Variants in FRMD3 observed in about 807,000 individuals in gnomAD.
The protein encoded by FRMD3 is FERM domain-containing protein 3.
FRMD3 carries 33 observed loss-of-function variants against 70.2 expected under a neutral mutation model. The ratio of observed to expected loss-of-function variants is 0.47; its 90% CI spans 0.36 to 0.63. FRMD3 has a LOEUF of 0.63. FRMD3 is among the 20% of genes least tolerant of loss of function. The pLI is 0.00. For missense variants in FRMD3, 632 were observed against 711.4 expected (o/e 0.89, Z 1.27); for synonymous variants, 279 against 255.9 (o/e 1.09, Z -0.86).
intron 1 of FRMD3, among the ~76,000 whole-genome samples, chr9:83,434,046 T>C (rs757521066): frequency 7.9e-5 from 12 of 152,216 alleles, no homozygotes; most frequent in Non-Finnish European, 1.3e-4. Flanking sequence ...GGGCTTCCTG[T>C]CTGGAGCTCC....
rs112110794 is a variant in FRMD3 at position 83,269,646 on chromosome 9, T to C, written c.1195+20957A>G. On this transcript the variant is annotated intron_variant, in intron 13 of 13. Coordinates refer to ENST00000304195, the MANE Select transcript of FRMD3 (RefSeq NM_174938.6). ...ATTGCATAAACCCGGGAGGCGGAGGTTGCAGCAAGCCGAGATCTCACCGCC... is the reference window on the plus strand; with the variant it reads ...ATTGCATAAACCCGGGAGGCGGAGGCTGCAGCAAGCCGAGATCTCACCGCC... 3.8e-3 allele frequency among the ~76,000 whole-genome samples: 568 copies of C among 150,918 alleles called. 3 individuals carry two copies. Among genetic ancestry groups the C allele is most frequent in the African/African-American group, 0.013 (539 of 41,084 alleles).
the FRMD3 span, among the ~76,000 whole-genome samples, chr9:83,578,834 G>GA: frequency 6.6e-6 from 1 of 151,854 alleles, no homozygotes; most frequent in Non-Finnish European, 1.5e-5. Context: ...TTAGGCAAGA[G>GA]AAAGAAATAA....
chr9:83,265,332 G>A (rs1423964848), intron 13 of FRMD3, among the ~76,000 whole-genome samples: 7 of 150,038 alleles, frequency 4.7e-5, no homozygotes, highest in Admixed American at 1.3e-4. Context: ...CCCGGGAGGT[G>A]GAGCTTGCAG....
intron 1 of FRMD3, among the ~76,000 whole-genome samples, chr9:83,438,799 T>C (rs902960122): frequency 3.3e-5 from 5 of 152,300 alleles, no homozygotes; most frequent in Non-Finnish European, 7.3e-5. Flanking sequence ...TAGGTAGAAA[T>C]AGTCTTCCCT....
intron 2 of FRMD3, among the ~76,000 whole-genome samples, chr9:83,378,643 A>ATATATTATATATAATATGTATAATT (rs1825239499): frequency 2.3e-5 from 3 of 130,134 alleles, no homozygotes; most frequent in Non-Finnish European, 4.7e-5. Flanking sequence ...TATATAATTT[A>ATATATTATATATAATATGTATAATT]TATATTATAT....
intron 6 of FRMD3, among the ~76,000 whole-genome samples, chr9:83,318,755 C>T (rs1021354661): frequency 6.6e-6 from 1 of 152,142 alleles, no homozygotes; most frequent in Admixed American, 6.5e-5. Context: ...TTTTAATTTA[C>T]ATTCCTACCA....
chr9:83,446,719 C>T (rs150261154), intron 1 of FRMD3, among the ~76,000 whole-genome samples: 4 of 151,628 alleles, frequency 2.6e-5, no homozygotes, highest in African/African-American at 9.7e-5. Flanking sequence ...TGAGATTTGC[C>T]AAGTAGAAAA....
intron 6 of FRMD3, among the ~76,000 whole-genome samples, chr9:83,326,838 C>T (rs1449763503): frequency 6.6e-6 from 1 of 152,166 alleles, no homozygotes; most frequent in Non-Finnish European, 1.5e-5. Flanking sequence ...AACAATTCTC[C>T]AAAGATAGGC....
chr9:83,355,381 C>A (rs1335574813), intron 3 of FRMD3, among the ~76,000 whole-genome samples: 1 of 152,172 alleles, frequency 6.6e-6, no homozygotes, highest in Non-Finnish European at 1.5e-5. Flanking sequence ...CTAGACTGGG[C>A]AGCATGGTCA....
upstream of FRMD3, among the ~76,000 whole-genome samples, chr9:83,539,570 T>G (rs1237818437): frequency 6.6e-6 from 1 of 152,210 alleles, no homozygotes. Context: ...AGATATGCCC[T>G]GTCCTGGGGG....
the FRMD3 span, among the ~76,000 whole-genome samples, chr9:83,546,388 C>G: frequency 6.6e-6 from 1 of 151,934 alleles, no homozygotes; most frequent in African/African-American, 2.4e-5. Context: ...AAACTGTCAG[C>G]CAACAATTCT....
At chr9:83,525,908 A>C (rs1446602661) in intron 1 of FRMD3, among the ~76,000 whole-genome samples, 1 of 152,234 alleles carries the variant, frequency 6.6e-6, no homozygotes, top group African/African-American at 2.4e-5. Context: ...CAGACAAAAA[A>C]GGAAGACCTG....
chr9:83,254,010 CAAG>C lies in FRMD3; in HGVS notation c.1196-5497_1196-5495del, dbSNP rs1465132196. ...AACCATCATTCTCAGCAAACTATCA[CAAG>C]GACAAAAAACCAAACACCACATGTT... On this transcript the variant is annotated intron_variant, in intron 13 of 13. Coordinates refer to ENST00000304195, the MANE Select transcript of FRMD3 (RefSeq NM_174938.6). Among the ~76,000 whole-genome samples, 12 of 151,228 alleles carry C rather than the reference CAAG, an allele frequency of 7.9e-5. No individual in the cohort carries two copies. In the East Asian group the frequency reaches 2.1e-3, roughly 27 times the overall value.
At chr9:83,520,202 C>T (rs2131543826) in intron 1 of FRMD3, among the ~76,000 whole-genome samples, 1 of 152,250 alleles carries the variant, frequency 6.6e-6, no homozygotes, top group South Asian at 2.1e-4. Flanking sequence ...GTGTGTCACT[C>T]ACCAGGCTAA....
At position 83,343,200 on chromosome 9, in the gene FRMD3, A is replaced by G; in HGVS notation, c.462T>C (p.Cys154=). The G allele has an allele frequency of 6.2e-7, 1 of 1,612,870 alleles. No homozygotes were observed. The highest frequency in any genetic ancestry group is 8.5e-7 in the Non-Finnish European group (1 of 1,178,868). Reference sequence around the variant, plus strand: ...TGTGGCCAGACTTACCTTGAACAATACAGGCACCCAGGTAGGCAGCATCAG... The same window carrying G: ...TGTGGCCAGACTTACCTTGAACAATGCAGGCACCCAGGTAGGCAGCATCAG... ...SFSDAAYLGA[C]IVQAELGDYD... The change falls in exon 5 of 14, where the codon TGT becomes TGC. Residue 154 remains cysteine (C), a synonymous_variant. Coordinates refer to ENST00000304195, the MANE Select transcript of FRMD3 (RefSeq NM_174938.6).
intron 1 of FRMD3, 90 bp from the exon 2 acceptor site, chr9:83,389,798 T>C (rs1279232830): frequency 2.3e-6 from 2 of 856,938 alleles, no homozygotes; most frequent in Admixed American, 2.0e-5. Context: ...TGGGTCTATG[T>C]TCTGAAAAAT....
intron 1 of FRMD3, among the ~76,000 whole-genome samples, chr9:83,392,147 G>A (rs1825682381): frequency 6.6e-6 from 1 of 151,456 alleles, no homozygotes. Flanking sequence ...GTCCTTTCCT[G>A]CCTTGGGTAC....
chr9:83,575,917 C>T, the FRMD3 span, among the ~76,000 whole-genome samples: 4 of 151,920 alleles, frequency 2.6e-5, no homozygotes, highest in African/African-American at 7.3e-5. Context: ...CCAGCATTAC[C>T]CTGATATCAA....
chr9:83,363,916 A>C (rs1304456944), intron 3 of FRMD3, among the ~76,000 whole-genome samples: 1 of 152,200 alleles, frequency 6.6e-6, no homozygotes, highest in Non-Finnish European at 1.5e-5. Context: ...TGGCTTTATC[A>C]GTTTACACAC....
Sources: gnomAD v4.1 joint callset for allele counts (sites outside exome capture counted in the v4.1 genomes callset) on GRCh38, gnomAD v4.1.1 for gene constraint, MANE v1.5 for transcripts, NCBI Gene and HGNC (gene_info 2026-07-23, HGNC 2026-07-21) for gene names.